Variants in GC observed in about 807,000 individuals in gnomAD.
GC encodes vitamin D-binding protein.
A neutral mutation model predicts 56.7 loss-of-function variants in GC; 43 were observed. The observed-to-expected ratio is 0.76, with a 90% CI of 0.59 to 0.98. The LOEUF is 0.98. Among genes scored for constraint, GC ranks in the 50% least tolerant of loss-of-function variants. GC has a pLI of 0.00. For missense variants in GC, 529 were observed against 545.9 expected (o/e 0.97, Z 0.31); for synonymous variants, 216 against 202.7 (o/e 1.07, Z -0.56).
chr4:71,799,563 G>C (rs1743198618), intron 1 of GC, among the ~76,000 whole-genome samples: 1 of 152,132 alleles, frequency 6.6e-6, no homozygotes, highest in African/African-American at 2.4e-5. Flanking sequence ...AGGTAAGCCA[G>C]GGGGACCTGG....
intron 1 of GC, among the ~76,000 whole-genome samples, chr4:71,797,667 T>C (rs369407688): frequency 3.3e-5 from 5 of 152,348 alleles, no homozygotes; most frequent in African/African-American, 1.2e-4. Context: ...TCGCCCTCCA[T>C]GGGCAGCACC....
chr4:71,755,623 A>C (rs1741743535), intron 8 of GC, among the ~76,000 whole-genome samples: 1 of 152,190 alleles, frequency 6.6e-6, no homozygotes, highest in Admixed American at 6.5e-5. Flanking sequence ...TGCTATTGTG[A>C]CTAGTCAATA....
At chr4:71,788,593 A>G (rs1742896484), upstream of GC, among the ~76,000 whole-genome samples, 1 of 148,912 alleles carries the variant, frequency 6.7e-6, no homozygotes, top group South Asian at 2.1e-4. Context: ...GATATTTAAG[A>G]GAAATGATGG....
chr4:71,785,316 G>A (rs1301183054), upstream of GC, among the ~76,000 whole-genome samples: 1 of 151,632 alleles, frequency 6.6e-6, no homozygotes, highest in South Asian at 2.1e-4. Context: ...ATCTGTGAAG[G>A]TCAATGAAAC....
intron 8 of GC, among the ~76,000 whole-genome samples, chr4:71,756,131 A>G (rs552219441): frequency 2.6e-5 from 4 of 152,230 alleles, no homozygotes; most frequent in Non-Finnish European, 4.4e-5. Flanking sequence ...TGTGCTTGGT[A>G]TCTCTTTTAT....
chr4:71,782,567 T>C (rs1742716641), intron 1 of GC, among the ~76,000 whole-genome samples: 1 of 151,826 alleles, frequency 6.6e-6, no homozygotes, highest in Non-Finnish European at 1.5e-5. Flanking sequence ...GCTGAGAATG[T>C]TGAAATATAG....
At chr4:71,742,229 G>T (rs934561227) in intron 12 of GC, among the ~76,000 whole-genome samples, 2 of 152,080 alleles carry the variant, frequency 1.3e-5, no homozygotes, top group East Asian at 3.9e-4. Flanking sequence ...GGCATAATGA[G>T]GCCCCCAATC....
intron 6 of GC, among the ~76,000 whole-genome samples, chr4:71,761,580 G>T (rs894389358): frequency 6.6e-6 from 1 of 152,200 alleles, no homozygotes; most frequent in Non-Finnish European, 1.5e-5. Flanking sequence ...AGACATGTCA[G>T]AAGTCTTCAC....
chr4:71,788,509 T>C (rs1400861382), upstream of GC, among the ~76,000 whole-genome samples: 1 of 151,664 alleles, frequency 6.6e-6, no homozygotes, highest in Non-Finnish European at 1.5e-5. Context: ...AGGTCTTGTA[T>C]AACAAACTGC....
intron 1 of GC, among the ~76,000 whole-genome samples, chr4:71,773,224 G>A (rs1742398352): frequency 6.6e-6 from 1 of 152,034 alleles, no homozygotes; most frequent in Non-Finnish European, 1.5e-5. Flanking sequence ...CACATGAAGT[G>A]ACCCCCCACA....
At chr4:71,794,933 A>T (rs1743060514) in intron 1 of GC, among the ~76,000 whole-genome samples, 4 of 152,236 alleles carry the variant, frequency 2.6e-5, no homozygotes, top group Admixed American at 2.6e-4. Flanking sequence ...GTCATTCAGG[A>T]GCAGATTGTT....
intron 1 of GC, among the ~76,000 whole-genome samples, chr4:71,780,621 A>T (rs1297710698): frequency 6.6e-6 from 1 of 151,978 alleles, no homozygotes; most frequent in African/African-American, 2.4e-5. Context: ...CAGCCAAAAA[A>T]CACATGAAAA....
intron 3 of GC, among the ~76,000 whole-genome samples, chr4:71,767,114 A>C (rs1350530099): frequency 6.6e-6 from 1 of 152,188 alleles, no homozygotes; most frequent in East Asian, 1.9e-4. Flanking sequence ...GTGGAAGAAA[A>C]GGATTATAAA....
chr4:71,754,648 G>T (rs1741663379), intron 9 of GC, 140 bp from the exon 10 acceptor site: 8 of 670,922 alleles, frequency 1.2e-5, no homozygotes, highest in Non-Finnish European at 2.1e-5. Context: ...ATAATTTTAG[G>T]GTTTGCAGGC....
intron 11 of GC, 48 bp from the exon 12 acceptor site, chr4:71,746,253 G>C (rs763545498): frequency 2.3e-6 from 2 of 880,460 alleles, no homozygotes; most frequent in African/African-American, 3.4e-5. Flanking sequence ...TATTTCATTT[G>C]TAGGCTACTA....
intron 6 of GC, 135 bp downstream of exon 6, chr4:71,763,273 T>G (rs1206789890): frequency 2.3e-6 from 1 of 428,980 alleles, no homozygotes; most frequent in African/African-American, 2.0e-5. Context: ...TTTGGCCAGA[T>G]TTTTGGAGAT....
At chr4:71,751,521 C>G (rs927948720) in intron 11 of GC, among the ~76,000 whole-genome samples, 1 of 151,650 alleles carries the variant, frequency 6.6e-6, no homozygotes, top group African/African-American at 2.4e-5. Context: ...GTGTTTTGCA[C>G]AAATTAAAAA....
At chr4:71,804,324 A>T (rs1254385291), upstream of GC, among the ~76,000 whole-genome samples, 1 of 152,186 alleles carries the variant, frequency 6.6e-6, no homozygotes, top group East Asian at 1.9e-4. Context: ...CCTGGAGCAA[A>T]CACAATCTGT....
chr4:71,769,239 G>T, intron 2 of GC, 92 bp downstream of exon 2: 2 of 922,264 alleles, frequency 2.2e-6, no homozygotes, highest in East Asian at 2.5e-5. Context: ...CAAGGATTAA[G>T]GATTAACCTC....
Sources: allele counts gnomAD v4.1 joint callset (sites outside exome capture counted in the v4.1 genomes callset), GRCh38; gene constraint gnomAD v4.1.1; transcripts MANE v1.5; gene names NCBI Gene and HGNC (gene_info 2026-07-23, HGNC 2026-07-21).